Variants in FGF14 observed in about 807,000 individuals in gnomAD.
FGF14 encodes fibroblast growth factor 14.
A neutral mutation model predicts 25.5 loss-of-function variants in FGF14; 5 were observed. That is an observed-to-expected ratio of 0.20 (90% confidence interval 0.10 to 0.41). The LOEUF (loss-of-function observed/expected upper bound fraction) is 0.41, where lower values mean the gene tolerates loss of function less well. Ranked by LOEUF, FGF14 falls within the 10% of genes least tolerant of loss-of-function variation. FGF14 has a pLI of 1.00. For missense variants in FGF14, 222 were observed against 320.1 expected, an observed-to-expected ratio of 0.69 and a Z score of 2.34; for synonymous variants, 138 against 118.3, an observed-to-expected ratio of 1.17 and a Z score of -1.08.
rs187217056 is a variant in FGF14, at chr13:102,233,073, A to G, written c.208+168398T>C. Among the ~76,000 whole-genome samples the G allele has an allele frequency of 2.3e-3, 344 of 151,966 alleles. 1 individual carries two copies. The highest frequency in any genetic ancestry group is 3.8e-3 in the Non-Finnish European group (259 of 67,936). On this transcript the variant is annotated intron_variant, in intron 1 of 4. Transcript: ENST00000376131. ...GCCTCCTCTGGTCCCACCTCACACC[A>G]TTCCCTTATGACTCATTTTTCTACC...
chr13:101,760,388 A>C (rs1477286972), intron 3 of FGF14, among the ~76,000 whole-genome samples: 1 of 152,164 alleles, frequency 6.6e-6, no homozygotes, highest in African/African-American at 2.4e-5. Context: ...ATCAATACCT[A>C]TTGTTAAATG....
At chr13:102,110,425 T>TGCAGACC (rs1365473611) in intron 1 of FGF14, among the ~76,000 whole-genome samples, 2 of 152,198 alleles carry the variant, frequency 1.3e-5, no homozygotes, top group Non-Finnish European at 1.5e-5. Context: ...TCCAGTGGTC[T>TGCAGACC]GCAGACCACA....
chr13:102,058,800 C>T (rs2478055), intron 1 of FGF14, among the ~76,000 whole-genome samples: 5,190 of 152,186 alleles, frequency 0.034, 269 homozygotes, highest in African/African-American at 0.12. Flanking sequence ...ATTTCCCCTA[C>T]TGCTTATTTT....
At position 101,718,794 on chromosome 13, in the gene FGF14, AAC is replaced by A. The variant is rs2034817599; in HGVS notation, c.*4035_*4036del. On this transcript the variant is annotated 3_prime_UTR_variant, in exon 5 of 5. Coordinates refer to ENST00000376143, the MANE Select transcript of FGF14 (RefSeq NM_004115.4). Reference sequence around the variant, plus strand: ...AGTGAAAACCAGGAAAAAAAAAAAAAACTAAAATATAACTCAGCCTTAGTTTG... The same window carrying A: ...AGTGAAAACCAGGAAAAAAAAAAAAATAAAATATAACTCAGCCTTAGTTTG... The A allele has an allele frequency of 6.6e-6, 1 of 151,994 alleles. No individual in the cohort carries two copies. 9.4% of individuals were successfully genotyped at this position (151,994 alleles called of 1,614,324 possible). A position where few individuals can be genotyped will look rare whatever the true frequency, so the allele number is the denominator to read the frequency against.
intron 1 of FGF14, among the ~76,000 whole-genome samples, chr13:102,134,927 T>C (rs148308356): frequency 0.013 from 1,999 of 152,164 alleles, 43 homozygotes; most frequent in African/African-American, 0.046. Flanking sequence ...CTCATGCCTA[T>C]AATCCCAGCA....
At chr13:102,248,232 T>C (rs2051983711) in intron 1 of FGF14, among the ~76,000 whole-genome samples, 1 of 152,150 alleles carries the variant, frequency 6.6e-6, no homozygotes, top group Non-Finnish European at 1.5e-5. Context: ...CATGTACCCT[T>C]GAACCTAAAA....
chr13:102,120,799 G>T (rs1272016251), intron 1 of FGF14, among the ~76,000 whole-genome samples: 1 of 151,586 alleles, frequency 6.6e-6, no homozygotes, highest in African/African-American at 2.4e-5. Context: ...CACCTTCCAG[G>T]CTCAAGCGAT....
intron 1 of FGF14, among the ~76,000 whole-genome samples, chr13:101,962,789 T>G (rs1437160766): frequency 6.6e-6 from 1 of 152,200 alleles, no homozygotes; most frequent in Non-Finnish European, 1.5e-5. Flanking sequence ...GCACAATAAT[T>G]TAGAGTACTG....
chr13:101,809,521 G>A (rs560628656), intron 3 of FGF14, among the ~76,000 whole-genome samples: 62 of 152,210 alleles, frequency 4.1e-4, no homozygotes, highest in African/African-American at 1.5e-3. Context: ...CTACAAATGT[G>A]CACAGTGGAC....
intron 3 of FGF14, among the ~76,000 whole-genome samples, chr13:101,788,965 G>GAGAC (rs1555382948): frequency 1.4e-4 from 11 of 80,612 alleles, no homozygotes; most frequent in South Asian, 5.2e-4. Context: ...GAGAGAGAGA[G>GAGAC]AGAGACAGAG....
intron 1 of FGF14, among the ~76,000 whole-genome samples, chr13:102,096,874 A>G (rs2044427187): frequency 1.3e-5 from 2 of 152,232 alleles, no homozygotes; most frequent in Admixed American, 6.5e-5. Context: ...TTAAAAAATA[A>G]GAAGAAGAAA....
intron 1 of FGF14, among the ~76,000 whole-genome samples, chr13:102,071,302 T>C (rs1009322609): frequency 1.3e-5 from 2 of 152,178 alleles, no homozygotes; most frequent in Non-Finnish European, 1.5e-5. Context: ...AAGGAAAAAC[T>C]ACCGAAGCCA....
intron 1 of FGF14, among the ~76,000 whole-genome samples, chr13:102,378,749 C>G (rs1187091775): frequency 6.6e-6 from 1 of 151,820 alleles, no homozygotes; most frequent in African/African-American, 2.4e-5. Flanking sequence ...GAAATTACAG[C>G]TAGAATTTTC....
intron 1 of FGF14, among the ~76,000 whole-genome samples, chr13:102,339,530 G>C (rs2056888724): frequency 6.6e-6 from 1 of 152,146 alleles, no homozygotes; most frequent in South Asian, 2.1e-4. Context: ...AAAATTCCAA[G>C]GGGTGAGGTG....
At chr13:101,938,107 T>A (rs1021536679) in intron 1 of FGF14, among the ~76,000 whole-genome samples, 2 of 152,244 alleles carry the variant, frequency 1.3e-5, no homozygotes, top group East Asian at 3.9e-4. Context: ...CTCATGGGGT[T>A]CTGCCAGCCA....
intron 1 of FGF14, among the ~76,000 whole-genome samples, chr13:102,103,503 A>G (rs756259802): frequency 6.6e-6 from 1 of 151,822 alleles, no homozygotes; most frequent in Non-Finnish European, 1.5e-5. Context: ...ACCTCAGGTT[A>G]TAAGTAAAAT....
intron 3 of FGF14, among the ~76,000 whole-genome samples, chr13:101,768,442 C>T (rs1436159404): frequency 1.3e-5 from 2 of 152,108 alleles, no homozygotes; most frequent in Admixed American, 6.6e-5. Context: ...ATCCCAGTGA[C>T]TTAGTTGGTG....
intron 3 of FGF14, among the ~76,000 whole-genome samples, chr13:101,854,051 C>T (rs1035044746): frequency 1.3e-5 from 2 of 152,104 alleles, no homozygotes; most frequent in African/African-American, 4.8e-5. Context: ...ATCTATTCTA[C>T]ATTGCAGTAC....
At chr13:101,983,911 G>C (rs1467137574) in intron 1 of FGF14, among the ~76,000 whole-genome samples, 1 of 152,122 alleles carries the variant, frequency 6.6e-6, no homozygotes, top group Non-Finnish European at 1.5e-5. Flanking sequence ...GGGGCTAGTG[G>C]CTATGCAGGC....
Sources: allele counts gnomAD v4.1 joint callset (sites outside exome capture counted in the v4.1 genomes callset), GRCh38; gene constraint gnomAD v4.1.1; transcripts MANE v1.5; gene names NCBI Gene and HGNC (gene_info 2026-07-23, HGNC 2026-07-21).